Variants in TELO2 observed in about 807,000 individuals in gnomAD.
TELO2 encodes the protein telomere length regulation protein TEL2 homolog.
In TELO2, 71 loss-of-function variants were observed where a neutral mutation model predicts 91.0. That is an observed-to-expected ratio of 0.78 (90% confidence interval 0.64 to 0.95). The LOEUF (loss-of-function observed/expected upper bound fraction) is 0.95, where lower values mean the gene tolerates loss of function less well. Among genes scored for constraint, TELO2 ranks in the 40% least tolerant of loss-of-function variants. TELO2 has a pLI of 0.00. For missense variants in TELO2, 1,183 were observed against 1,141.3 expected, an observed-to-expected ratio of 1.04 and a Z score of -0.53; for synonymous variants, 584 against 518.9, an observed-to-expected ratio of 1.13 and a Z score of -1.71.
At position 1,502,681 on chromosome 16, in the gene TELO2, G is replaced by C. The variant is rs774301574; in HGVS notation, c.1690G>C (p.Glu564Gln). The C allele has an allele frequency of 6.2e-7, 1 of 1,612,628 alleles. No individual in the cohort carries two copies. Among genetic ancestry groups the C allele is most frequent in the Admixed American group, 1.7e-5 (1 of 60,026 alleles). Residue 564 changes from glutamate to glutamine, a missense_variant, in exon 14 of 21, where the codon GAG (glutamate) becomes CAG (glutamine). Physicochemically the swap from Glu to Gln is conservative, Grantham distance 29 (BLOSUM62 2). Transcript: ENST00000262319. ...VELAKVLLHL[E>Q]EKTCVVGFAG... ...GCTGGCCAAGGTGCTTCTGCATCTG[G>C]AGGAGAAGACCTGTGTGGTGGGATT...
At chr16:1,504,433 CAAAA>C (rs1197074771) in intron 15 of TELO2, among the ~76,000 whole-genome samples, 998 of 26,698 alleles carry the variant, frequency 0.037, 6 homozygotes, top group African/African-American at 0.11. Context: ...GACTCCATCT[CAAAA>C]AAAAAAAAAA....
chr16:1,509,968 C>A lies in TELO2; in HGVS notation c.*32C>A, dbSNP rs1363896686. 1.3e-6 allele frequency: 2 copies of A among 1,549,050 alleles called. No homozygotes were observed. Among genetic ancestry groups the A allele is most frequent in the Non-Finnish European group, 1.8e-6 (2 of 1,142,682 alleles). On this transcript the variant is annotated 3_prime_UTR_variant, in exon 21 of 21. Transcript: ENST00000262319. ...GAGGCCTCCCCAGGACCACCCTCGC[C>A]GACAGCAAGGCAGGCGGCTGAGCAG... is the stretch of plus-strand genomic sequence containing the variant.
chr16:1,501,970 G>T, intron 11 of TELO2, 77 bp from the exon 12 acceptor site: 1 of 1,589,830 alleles, frequency 6.3e-7, no homozygotes. Flanking sequence ...TTGGGGAGGA[G>T]AGAGGGGCTG....
At position 1,495,603 on chromosome 16, in the gene TELO2, C is replaced by G. The variant is rs768321499; in HGVS notation, c.593C>G (p.Ala198Gly). ...GAGGAGGTCGTCCGGGTGCTGCAGG[C>G]GGTTGTGGACTCTCTCCAAGGTGAG... The part of the protein sequence containing the change: ...LGEEVVRVLQ[A>G]VVDSLQGGLD... Residue 198 changes from alanine (A) to glycine (G), a missense_variant, in exon 3 of 21, where the codon GCG becomes GGG. Coordinates refer to ENST00000262319, the MANE Select transcript of TELO2 (RefSeq NM_016111.4). The G allele has an allele frequency of 6.3e-7, 1 of 1,599,244 alleles. No individual in the cohort carries two copies. The highest frequency in any genetic ancestry group is 8.5e-7 in the Non-Finnish European group (1 of 1,170,480).
intron 17 of TELO2, chr16:1,506,573 G>C: frequency 7.1e-7 from 1 of 1,415,800 alleles, no homozygotes; most frequent in Non-Finnish European, 9.2e-7. Context: ...ATGGCCGGCA[G>C]TGCCGCCCGC....
rs80274291 is a variant in TELO2, at chr16:1,495,200, T to C, written c.336-146T>C. 1,053 of 1,202,502 alleles carry C rather than the reference T, an allele frequency of 8.8e-4. 9 individuals carry two copies. In the African/African-American group the frequency reaches 0.014, roughly 16 times the overall value. The allele number at this position is 1,202,502 out of a possible 1,614,324, so 74.5% of individuals were successfully genotyped here. A position where few individuals can be genotyped will look rare whatever the true frequency, so the allele number is the denominator to read the frequency against. On this transcript the variant is annotated intron_variant, in intron 2 of 20. Transcript: ENST00000262319. Reference sequence around the variant, plus strand: ...GTTATTTAGGAATGGATTAACAGATTTTCCCATCCGGCTTGTGGTTTTGGA... The same window carrying C: ...GTTATTTAGGAATGGATTAACAGATCTTCCCATCCGGCTTGTGGTTTTGGA...
At chr16:1,503,078 T>G in intron 15 of TELO2, 76 bp downstream of exon 15, 1 of 1,536,408 alleles carries the variant, frequency 6.5e-7, no homozygotes, top group Non-Finnish European at 8.9e-7. Context: ...AACCTGGGTC[T>G]CCTTGTTGCT....
In TELO2 at chr16:1,505,310, C is replaced by T. The variant is rs1013176914; in HGVS notation, c.1843-100C>T. The T allele has an allele frequency of 1.6e-5, 22 of 1,380,314 alleles. No homozygotes were observed. Among genetic ancestry groups the T allele is most frequent in the African/African-American group, 2.9e-5 (2 of 69,286 alleles). The allele number at this position is 1,380,314 out of a possible 1,614,324, so 85.5% of individuals were successfully genotyped here. ...AGAACACACCTTCTCCCAGGCTGGG[C>T]GGGCCCCCGGGCCCGTTTCTGGGGC... On this transcript the variant is annotated intron_variant, in intron 15 of 20. Coordinates refer to ENST00000262319, the MANE Select transcript of TELO2 (RefSeq NM_016111.4). This position sits in a 1 kb window ranked among gnomAD's most constrained non-coding sequence, Gnocchi z 4.3.
chr16:1,506,743 C>T, intron 17 of TELO2: 1 of 1,398,898 alleles, frequency 7.1e-7, no homozygotes, highest in Non-Finnish European at 9.3e-7. Flanking sequence ...GCGTTGGGAA[C>T]TCCTGGCCCA....
At chr16:1,508,366 C>T (rs1387085570) in intron 20 of TELO2, among the ~76,000 whole-genome samples, 5 of 152,108 alleles carry the variant, frequency 3.3e-5, no homozygotes, top group South Asian at 2.1e-4. Flanking sequence ...CTCCTGACCT[C>T]GTGATCCACC....
rs748142979 is a variant in TELO2 at position 1,494,317 on chromosome 16, C to G, written c.36C>G (p.Val12=). Residue 12 remains valine, a synonymous_variant, in exon 2 of 21, where the codon GTC becomes GTG. Coordinates refer to ENST00000262319, the MANE Select transcript of TELO2 (RefSeq NM_016111.4). The surrounding 1 kb of genome is among the most constrained non-coding windows in gnomAD (Gnocchi z 5.6). ...EPAPSEVRLA[V]REAIHALSSS... ...CACCCTCAGAGGTTCGACTCGCCGT[C>G]CGGGAAGCCATTCATGCCCTCTCGT... 8 of 1,613,502 alleles carry G rather than the reference C, an allele frequency of 5.0e-6. No homozygotes were observed. The highest frequency in any genetic ancestry group is 5.9e-6 in the Non-Finnish European group (7 of 1,179,976).
chr16:1,509,129 C>G (rs1367093200), intron 20 of TELO2, among the ~76,000 whole-genome samples: 4 of 152,182 alleles, frequency 2.6e-5, no homozygotes, highest in Non-Finnish European at 4.4e-5. Context: ...AGACTCGGTA[C>G]CTGCGACGTC....
At chr16:1,502,579 G>A in intron 13 of TELO2, 66 bp from the exon 14 acceptor site, 1 of 1,571,440 alleles carries the variant, frequency 6.4e-7, no homozygotes, top group Non-Finnish European at 8.6e-7. Context: ...GGCCCTGTGA[G>A]CCTCGGTGAG....
At position 1,495,541 on chromosome 16, in the gene TELO2, C is replaced by T. The variant is rs143615428; in HGVS notation, c.531C>T (p.Ala177=). 1.5e-5 allele frequency: 24 copies of T among 1,611,842 alleles called. No homozygotes were observed. Among genetic ancestry groups the T allele is most frequent in the Non-Finnish European group, 1.9e-5 (23 of 1,179,966 alleles). The change falls in exon 3 of 21, where the codon GCC becomes GCT. Residue 177 remains alanine (A), a synonymous_variant. Coordinates refer to ENST00000262319, the MANE Select transcript of TELO2 (RefSeq NM_016111.4). The part of the protein sequence containing the change: ...LGNRLQQENL[A]EFFPQNYFRL... Reference sequence around the variant, plus strand: ...ACCGCCTGCAGCAGGAGAACTTGGCCGAGTTCTTCCCCCAGAACTACTTCC... The same window carrying T: ...ACCGCCTGCAGCAGGAGAACTTGGCTGAGTTCTTCCCCCAGAACTACTTCC...
chr16:1,503,659 C>T (rs1461114270), intron 15 of TELO2, among the ~76,000 whole-genome samples: 6 of 152,142 alleles, frequency 3.9e-5, no homozygotes, highest in Admixed American at 3.3e-4. Flanking sequence ...GCGAGCCGTC[C>T]GGAGGAGCTA....
Position 1,505,259 on chromosome 16 carries a change from G to A in TELO2, c.1843-151G>A. Reference sequence around the variant, plus strand: ...CAAGGCGCGGTTGCTGTGAGCTACGGGGAAGTGACTTTTCTCCTTGTTCCC... The same window carrying A: ...CAAGGCGCGGTTGCTGTGAGCTACGAGGAAGTGACTTTTCTCCTTGTTCCC... On this transcript the variant is annotated intron_variant, in intron 15 of 20. Coordinates refer to ENST00000262319, the MANE Select transcript of TELO2 (RefSeq NM_016111.4). This position sits in a 1 kb window ranked among gnomAD's most constrained non-coding sequence, Gnocchi z 4.3. 1 of 906,714 alleles carries A rather than the reference G, an allele frequency of 1.1e-6. No individual in the cohort carries two copies. The highest frequency in any genetic ancestry group is 1.8e-5 in the South Asian group (1 of 55,544). The allele number at this position is 906,714 out of a possible 1,614,324, so 56.2% of individuals were successfully genotyped here.
chr16:1,502,712 G>A lies in TELO2; in HGVS notation c.1721G>A (p.Gly574Glu), dbSNP rs778519864. 1 of 1,612,746 alleles carries A rather than the reference G, an allele frequency of 6.2e-7. No homozygotes were observed. Among genetic ancestry groups the A allele is most frequent in the Non-Finnish European group, 8.5e-7 (1 of 1,179,888 alleles). Residue 574 changes from glycine to glutamate, a missense_variant, in exon 14 of 21, where the codon GGG becomes GAG. Physicochemically the swap from Gly to Glu is moderately conservative, Grantham distance 98. Transcript: ENST00000262319. ...AAGACCTGTGTGGTGGGATTTGCAGGGCTGCGCCAGAGAGCCCTGGTGGCC... is the reference window on the plus strand; with the variant it reads ...AAGACCTGTGTGGTGGGATTTGCAGAGCTGCGCCAGAGAGCCCTGGTGGCC... The part of the protein sequence containing the change: ...EEKTCVVGFA[G>E]LRQRALVAVT...
rs2039402864 is a variant in TELO2 at position 1,494,351 on chromosome 16, G to C, written c.70G>C (p.Asp24His). 4 of 1,613,678 alleles carry C rather than the reference G, an allele frequency of 2.5e-6. No homozygotes were observed. Among genetic ancestry groups the C allele is most frequent in the African/African-American group, 1.3e-5 (1 of 75,020 alleles). Residue 24 changes from aspartate to histidine, a missense_variant, in exon 2 of 21, where the codon GAT becomes CAT. Asp to His is a moderately conservative substitution (Grantham distance 81, BLOSUM62 -1). Coordinates refer to ENST00000262319, the MANE Select transcript of TELO2 (RefSeq NM_016111.4). This position sits in a 1 kb window ranked among gnomAD's most constrained non-coding sequence, Gnocchi z 5.6. ...CATTCATGCCCTCTCGTCTTCGGAG[G>C]ATGGCGGCCACATCTTCTGCACCCT... ...EAIHALSSSE[D>H]GGHIFCTLES...
Position 1,505,638 on chromosome 16 carries a change from G to GC in TELO2, c.2034+37_2034+38insC. 3.6e-6 allele frequency: 4 copies of GC among 1,106,904 alleles called. No individual in the cohort carries two copies. The highest frequency in any genetic ancestry group is 4.0e-6 in the Non-Finnish European group (3 of 751,716). 68.6% of individuals were successfully genotyped at this position (1,106,904 alleles called of 1,614,324 possible). On this transcript the variant is annotated intron_variant, in intron 16 of 20. Coordinates refer to ENST00000262319, the MANE Select transcript of TELO2 (RefSeq NM_016111.4). The surrounding 1 kb of genome is among the most constrained non-coding windows in gnomAD (Gnocchi z 4.3). ...CTGGTCAGCTCCTCACGGGCATGGG[G>GC]ACCGTGGGTGGGTGGGAAGGGCGGT...
Sources: gnomAD v4.1 joint callset for allele counts (sites outside exome capture counted in the v4.1 genomes callset) on GRCh38, gnomAD v4.1.1 for gene constraint, Gnocchi (gnomAD v3.1) non-coding constraint, MANE v1.5 for transcripts, NCBI Gene and HGNC (gene_info 2026-07-23, HGNC 2026-07-21) for gene names.